The following PTPRN2 variants were observed in gnomAD, a reference collection of about 807,000 sequenced individuals.
PTPRN2 encodes the protein protein tyrosine phosphatase receptor type N2, also known as receptor-type tyrosine-protein phosphatase N2.
PTPRN2 carries 74 observed loss-of-function variants against 118.8 expected under a neutral mutation model. The observed-to-expected ratio is 0.62, with a 90% confidence interval of 0.52 to 0.76. The LOEUF (loss-of-function observed/expected upper bound fraction) is 0.76. PTPRN2 is among the 30% of genes least tolerant of loss of function. The probability of loss-of-function intolerance (pLI) is 0.00; values close to 1 mark genes in which losing one functional copy is unlikely to be tolerated. For synonymous variants in PTPRN2, 641 were observed against 608.0 expected (o/e 1.05, Z -0.80); for missense variants, 1,481 against 1,394.4 (o/e 1.06, Z -0.99).
At chr7:158,547,304 C>T (rs766110023) in intron 1 of PTPRN2, among the ~76,000 whole-genome samples, 2 of 152,094 alleles carry the variant, frequency 1.3e-5, no homozygotes, top group Non-Finnish European at 2.9e-5. Flanking sequence ...AATTGAACTT[C>T]ATTCCCTGTA....
chr7:158,255,224 C>T (rs1796947179), intron 3 of PTPRN2, among the ~76,000 whole-genome samples: 1 of 152,336 alleles, frequency 6.6e-6, no homozygotes, highest in South Asian at 2.1e-4. Context: ...AAGGGCAAGA[C>T]TTCACGCGAG....
chr7:158,336,550 C>A (rs1210325226), intron 2 of PTPRN2, among the ~76,000 whole-genome samples: 1 of 145,342 alleles, frequency 6.9e-6, no homozygotes, highest in Non-Finnish European at 1.5e-5. Context: ...CGACGTCACT[C>A]ACACCCACAC....
chr7:158,285,883 G>T (rs1039265481), intron 3 of PTPRN2, among the ~76,000 whole-genome samples: 2 of 152,102 alleles, frequency 1.3e-5, no homozygotes, highest in Non-Finnish European at 2.9e-5. Flanking sequence ...GGACACCAAA[G>T]GTTTCACAGA....
At chr7:157,748,532 T>A (rs113903823) in intron 12 of PTPRN2, among the ~76,000 whole-genome samples, 1 of 118,784 alleles carries the variant, frequency 8.4e-6, no homozygotes, top group Non-Finnish European at 1.7e-5. Flanking sequence ...CTCTGAGCTG[T>A]GGGGTGTCCG....
intron 1 of PTPRN2, among the ~76,000 whole-genome samples, chr7:158,547,640 T>C (rs1826376081): frequency 6.6e-6 from 1 of 152,220 alleles, no homozygotes; most frequent in Non-Finnish European, 1.5e-5. Context: ...GCAGGGACCC[T>C]GCTGGTGGAG....
chr7:157,840,439 C>T (rs1233321040), intron 12 of PTPRN2, among the ~76,000 whole-genome samples: 33 of 124,538 alleles, frequency 2.6e-4, no homozygotes, highest in East Asian at 7.8e-4. Context: ...TGTGTGACCG[C>T]GTGTGACTGT....
intron 9 of PTPRN2, among the ~76,000 whole-genome samples, chr7:158,126,259 G>A (rs1470653756): frequency 3.6e-3 from 18 of 4,954 alleles, no homozygotes; most frequent in Non-Finnish European, 6.3e-3. Flanking sequence ...CTTCCTCTCC[G>A]CCACACCAGC....
chr7:157,841,607 T>A (rs1247962021), intron 12 of PTPRN2, among the ~76,000 whole-genome samples: 1 of 152,210 alleles, frequency 6.6e-6, no homozygotes, highest in Non-Finnish European at 1.5e-5. Flanking sequence ...GGTGCCTGCC[T>A]GGAAGGGCCC....
rs993688955 is a variant in PTPRN2 at position 157,627,420 on chromosome 7, G to A, written c.2197-5911C>T. On this transcript the variant is annotated intron_variant, in intron 14 of 22. Transcript: ENST00000389418. This position sits in a 1 kb window ranked among gnomAD's most constrained non-coding sequence, Gnocchi z 4.2. ...GAAATCCATGAAGAGTGAAAACAGGGAGCGAAGAATTGGTGGTGAATCTCA... is the reference window on the plus strand; with the variant it reads ...GAAATCCATGAAGAGTGAAAACAGGAAGCGAAGAATTGGTGGTGAATCTCA... Among the ~76,000 whole-genome samples, 23 of 152,224 alleles carry A rather than the reference G, an allele frequency of 1.5e-4. No homozygotes were observed. Among genetic ancestry groups the A allele is most frequent in the Non-Finnish European group, 3.4e-4 (23 of 68,042 alleles).
intron 10 of PTPRN2, among the ~76,000 whole-genome samples, chr7:158,100,063 C>T (rs1010847377): frequency 6.6e-6 from 1 of 151,734 alleles, no homozygotes; most frequent in Non-Finnish European, 1.5e-5. Flanking sequence ...CTCCAAAGTC[C>T]TTATGTCATT....
chr7:157,985,463 C>T (rs563905629), intron 11 of PTPRN2, among the ~76,000 whole-genome samples: 7 of 152,164 alleles, frequency 4.6e-5, no homozygotes, highest in Non-Finnish European at 8.8e-5. Flanking sequence ...GACCTCATTA[C>T]CAGAATTTGT....
chr7:158,191,865 T>C (rs533757696), intron 5 of PTPRN2, among the ~76,000 whole-genome samples: 3 of 152,216 alleles, frequency 2.0e-5, no homozygotes, highest in Admixed American at 1.3e-4. Context: ...CGGGGCAGGC[T>C]TGCCGGGGAG....
In PTPRN2 at chr7:158,192,365, C is replaced by A. The variant is rs137877535; in HGVS notation, c.511G>T (p.Ala171Ser). 4 of 1,522,006 alleles carry A rather than the reference C, an allele frequency of 2.6e-6. No individual in the cohort carries two copies. The highest frequency in any genetic ancestry group is 3.5e-6 in the Non-Finnish European group (4 of 1,147,058). 94.3% of individuals were successfully genotyped at this position (1,522,006 alleles called of 1,614,324 possible). ...CTGTCCTGCGCCGTATGGGTCCTGGCGAGCACGTCTGAGGCTGGGGCCTGG... is the reference window on the plus strand; with the variant it reads ...CTGTCCTGCGCCGTATGGGTCCTGGAGAGCACGTCTGAGGCTGGGGCCTGG... ...LSQAPASDVL[A>S]RTHTAQDRPP... Residue 171 changes from alanine (A) to serine (S), a missense_variant, in exon 5 of 23, where the codon GCC (alanine) becomes TCC (serine). By Grantham distance (99) the Ala-to-Ser change is moderately conservative. This residue lies in a region of PTPRN2 where 1,115 missense variants were observed against 994.2 expected (regional missense o/e 1.12). Coordinates refer to ENST00000389418, the MANE Select transcript of PTPRN2 (RefSeq NM_002847.5).
intron 3 of PTPRN2, among the ~76,000 whole-genome samples, chr7:158,209,858 C>T (rs1000203854): frequency 6.6e-6 from 1 of 152,098 alleles, no homozygotes; most frequent in African/African-American, 2.4e-5. Flanking sequence ...TCTTCTCTGA[C>T]CACAATGGAA....
At chr7:158,214,428 AC>A (rs1827823915) in intron 3 of PTPRN2, among the ~76,000 whole-genome samples, 1 of 151,342 alleles carries the variant, frequency 6.6e-6, no homozygotes, top group Non-Finnish European at 1.5e-5. Context: ...ACACACACAC[AC>A]ACAACTAAAG....
intron 1 of PTPRN2, among the ~76,000 whole-genome samples, chr7:158,556,708 ACGGCTCCCGGGCAGGTCAGG>A (rs1461740425): frequency 5.3e-4 from 73 of 138,396 alleles, no homozygotes; most frequent in South Asian, 9.5e-4. Flanking sequence ...CGCAGGTCAG[ACGGCTCCCGGGCAGGTCAGG>A]CGGCTCCCGG....
At chr7:158,071,797 TC>T (rs1811853669) in intron 11 of PTPRN2, among the ~76,000 whole-genome samples, 3 of 114,898 alleles carry the variant, frequency 2.6e-5, no homozygotes, top group South Asian at 3.2e-4. Context: ...GTGGAGGTGC[TC>T]CTGGTGGAGG....
At chr7:157,918,490 A>C (rs10263646) in intron 11 of PTPRN2, among the ~76,000 whole-genome samples, 104,232 of 152,100 alleles carry the variant, frequency 0.69, 36,720 homozygotes, top group Admixed American at 0.79. Flanking sequence ...GCGTGGGAGC[A>C]GGGGAAGTCA....
At chr7:157,730,152 G>GGAT (rs1378464798) in intron 12 of PTPRN2, among the ~76,000 whole-genome samples, 1 of 151,850 alleles carries the variant, frequency 6.6e-6, no homozygotes, top group Non-Finnish European at 1.5e-5. Context: ...AGACCCCTGG[G>GGAT]GATGGCACCT....
Sources: allele counts gnomAD v4.1 joint callset (sites outside exome capture counted in the v4.1 genomes callset), GRCh38; gene constraint gnomAD v4.1.1; regional missense constraint gnomAD v4.1.1; non-coding constraint Gnocchi (gnomAD v3.1); transcripts MANE v1.5; gene names NCBI Gene and HGNC (gene_info 2026-07-23, HGNC 2026-07-21).